KCNAB1: variants seen among roughly 807,000 people sequenced by gnomAD.
KCNAB1 encodes potassium voltage-gated channel subfamily A regulatory beta subunit 1.
Under a neutral mutation model 64.6 loss-of-function variants are expected in KCNAB1, and 35 were observed. The ratio of observed to expected loss-of-function variants is 0.54; its 90% CI spans 0.41 to 0.72. The LOEUF is 0.72. KCNAB1 is among the 30% of genes least tolerant of loss of function. KCNAB1 has a pLI of 0.00. For missense variants in KCNAB1, 401 were observed against 512.9 expected (o/e 0.78, Z 2.11); for synonymous variants, 177 against 183.8 (o/e 0.96, Z 0.30).
chr3:156,291,973 G>A (rs781742069), intron 1 of KCNAB1: 3 of 1,613,994 alleles, frequency 1.9e-6, no homozygotes, highest in Non-Finnish European at 2.5e-6. Flanking sequence ...ACCGACTTCT[G>A]AGCAAGCAGA....
chr3:156,487,225 G>T (rs1036957791), intron 8 of KCNAB1, among the ~76,000 whole-genome samples: 2 of 152,054 alleles, frequency 1.3e-5, no homozygotes, highest in African/African-American at 2.4e-5. Flanking sequence ...ACAGAATAAA[G>T]CACTTGGCCC....
At chr3:156,216,062 G>T (rs1284385988) in intron 1 of KCNAB1, among the ~76,000 whole-genome samples, 1 of 152,192 alleles carries the variant, frequency 6.6e-6, no homozygotes, top group Admixed American at 6.5e-5. Flanking sequence ...ATAGTGGGTA[G>T]CTACAAATTT....
chr3:156,295,763 G>T (rs1483200664), intron 1 of KCNAB1, among the ~76,000 whole-genome samples: 1 of 152,060 alleles, frequency 6.6e-6, no homozygotes, highest in East Asian at 1.9e-4. Flanking sequence ...TGGGGTACAT[G>T]TGATATTATA....
downstream of KCNAB1, chr3:156,538,814 CATCA>C (rs966680793): frequency 1.3e-5 from 2 of 152,212 alleles, no homozygotes; most frequent in African/African-American, 4.8e-5. Flanking sequence ...CATATTCTAT[CATCA>C]ATCAATCAAT....
intron 1 of KCNAB1, among the ~76,000 whole-genome samples, chr3:156,343,384 C>T (rs1260413516): frequency 6.6e-6 from 1 of 152,158 alleles, no homozygotes; most frequent in African/African-American, 2.4e-5. Context: ...GGCCACAGAT[C>T]CCCTACCTGA....
intron 1 of KCNAB1, among the ~76,000 whole-genome samples, chr3:156,148,149 G>A (rs1451632449): frequency 1.3e-5 from 2 of 152,022 alleles, no homozygotes; most frequent in East Asian, 3.9e-4. Context: ...CTCATCATTA[G>A]TTTTCCTACC....
intron 1 of KCNAB1, among the ~76,000 whole-genome samples, chr3:156,389,127 A>C (rs1260160326): frequency 6.6e-6 from 1 of 152,150 alleles, no homozygotes. Flanking sequence ...GCAGCCTCTC[A>C]TGACAAGCGA....
intron 1 of KCNAB1, among the ~76,000 whole-genome samples, chr3:156,158,698 T>G (rs931581717): frequency 2.0e-5 from 3 of 152,194 alleles, no homozygotes; most frequent in South Asian, 2.1e-4. Flanking sequence ...CTGTGGGCTT[T>G]CTTTCTTGAT....
At chr3:156,441,776 A>G (rs1357553154) in intron 2 of KCNAB1, among the ~76,000 whole-genome samples, 1 of 152,174 alleles carries the variant, frequency 6.6e-6, no homozygotes, top group African/African-American at 2.4e-5. Context: ...CTTTATTGTA[A>G]GAAATAATTT....
At chr3:156,232,161 A>G (rs1716571681) in intron 1 of KCNAB1, among the ~76,000 whole-genome samples, 2 of 152,220 alleles carry the variant, frequency 1.3e-5, no homozygotes, top group South Asian at 4.1e-4. Flanking sequence ...AATAGTAAGC[A>G]TTAGCCACCT....
intron 1 of KCNAB1, among the ~76,000 whole-genome samples, chr3:156,170,053 A>G (rs565372029): frequency 1.9e-4 from 29 of 152,188 alleles, no homozygotes; most frequent in African/African-American, 7.0e-4. Context: ...CTGGGCTCAG[A>G]AGGCTTCCCA....
intron 1 of KCNAB1, among the ~76,000 whole-genome samples, chr3:156,374,184 G>T (rs911280187): frequency 6.6e-6 from 1 of 152,126 alleles, no homozygotes; most frequent in Admixed American, 6.5e-5. Context: ...CTGCCAACTG[G>T]GTGGCCTCAG....
chr3:156,471,001 G>T (rs1284577821), intron 7 of KCNAB1, among the ~76,000 whole-genome samples: 1 of 152,158 alleles, frequency 6.6e-6, no homozygotes, highest in Non-Finnish European at 1.5e-5. Context: ...AAATTATGAT[G>T]ATAGGTCTGC....
chr3:156,130,478 A>G (rs6809595), intron 1 of KCNAB1, among the ~76,000 whole-genome samples: 2,372 of 152,302 alleles, frequency 0.016, 58 homozygotes, highest in African/African-American at 0.054. Context: ...TTCCTTCCCA[A>G]TGATCCATGT....
At chr3:156,312,621 A>T (rs1721983653) in intron 1 of KCNAB1, among the ~76,000 whole-genome samples, 1 of 133,514 alleles carries the variant, frequency 7.5e-6, no homozygotes, top group African/African-American at 3.3e-5. Flanking sequence ...CTGAGGCAGG[A>T]GAATCGCTTG....
chr3:156,486,882 T>G (rs1396207435), intron 8 of KCNAB1, among the ~76,000 whole-genome samples: 1 of 152,126 alleles, frequency 6.6e-6, no homozygotes, highest in African/African-American at 2.4e-5. Flanking sequence ...AAAATGACTT[T>G]AGGTCTCTGT....
At chr3:156,199,714 C>T (rs564635568) in intron 1 of KCNAB1, among the ~76,000 whole-genome samples, 4 of 152,312 alleles carry the variant, frequency 2.6e-5, no homozygotes, top group African/African-American at 9.6e-5. Context: ...GTTAGCAATT[C>T]TTGTAACCCT....
intron 1 of KCNAB1, chr3:156,176,871 A>G (rs1712412960): frequency 1.7e-6 from 2 of 1,175,958 alleles, no homozygotes; most frequent in African/African-American, 1.5e-5. Context: ...GACTGGGACC[A>G]GCGGTAACTC....
intron 2 of KCNAB1, among the ~76,000 whole-genome samples, chr3:156,428,104 ATT>A (rs1361725574): frequency 2.0e-5 from 3 of 152,214 alleles, no homozygotes; most frequent in African/African-American, 7.2e-5. Flanking sequence ...ATGTCCAGAT[ATT>A]TAGTCACATT....
Sources: gnomAD v4.1 joint callset for allele counts (sites outside exome capture counted in the v4.1 genomes callset) on GRCh38, gnomAD v4.1.1 for gene constraint, MANE v1.5 for transcripts, NCBI Gene and HGNC (gene_info 2026-07-23, HGNC 2026-07-21) for gene names.